Variants in ERC2 observed in about 807,000 individuals in gnomAD.
The protein encoded by ERC2 is ERC protein 2.
A neutral mutation model predicts 114.8 loss-of-function variants in ERC2; 42 were observed. The observed-to-expected ratio is 0.37, with a 90% CI of 0.29 to 0.47. The LOEUF is 0.47. ERC2 is among the 20% of genes least tolerant of loss of function. ERC2 has a pLI of 0.99. For missense variants in ERC2, 939 were observed against 1,150.7 expected (o/e 0.82, Z 2.66); for synonymous variants, 454 against 425.5 (o/e 1.07, Z -0.82).
At chr3:55,729,933 T>C (rs1358276907) in intron 15 of ERC2, among the ~76,000 whole-genome samples, 1 of 149,322 alleles carries the variant, frequency 6.7e-6, no homozygotes, top group African/African-American at 2.5e-5. Context: ...CCTAGCACTG[T>C]AACACAGAGC....
chr3:56,077,593 A>G (rs1267094314), intron 7 of ERC2, among the ~76,000 whole-genome samples: 2 of 152,174 alleles, frequency 1.3e-5, no homozygotes, highest in African/African-American at 4.8e-5. Context: ...CAAAATATTC[A>G]CTGAGAAAAC....
intron 6 of ERC2, among the ~76,000 whole-genome samples, chr3:56,114,873 C>A (rs995923862): frequency 1.1e-4 from 16 of 152,224 alleles, no homozygotes; most frequent in African/African-American, 3.6e-4. Context: ...CTCCCTGAAA[C>A]AAAGCCTTCC....
intron 12 of ERC2, among the ~76,000 whole-genome samples, chr3:55,956,552 G>A (rs2067968269): frequency 6.6e-6 from 1 of 151,840 alleles, no homozygotes. Flanking sequence ...AAGCATAAAT[G>A]TGCTAAATGT....
intron 7 of ERC2, among the ~76,000 whole-genome samples, chr3:56,066,819 T>C (rs994118966): frequency 1.3e-5 from 2 of 152,236 alleles, no homozygotes; most frequent in African/African-American, 4.8e-5. Flanking sequence ...TTTTCCCCAT[T>C]GCTTGTTTTT....
At chr3:56,155,623 G>C (rs2081669218) in intron 4 of ERC2, among the ~76,000 whole-genome samples, 1 of 152,130 alleles carries the variant, frequency 6.6e-6, no homozygotes, top group East Asian at 1.9e-4. Context: ...TCTATATATA[G>C]AGAAGTCAGG....
intron 6 of ERC2, among the ~76,000 whole-genome samples, chr3:56,099,136 C>T (rs1241543645): frequency 1.3e-5 from 2 of 152,126 alleles, no homozygotes; most frequent in African/African-American, 4.8e-5. Flanking sequence ...CACGTGAGGA[C>T]AAGAGAAGAG....
At chr3:56,041,846 A>T (rs1333960532) in intron 7 of ERC2, among the ~76,000 whole-genome samples, 2 of 152,172 alleles carry the variant, frequency 1.3e-5, no homozygotes, top group African/African-American at 4.8e-5. Context: ...TCAGGTACTC[A>T]ATTGTATTTG....
At chr3:56,292,706 C>T (rs1421917648) in intron 3 of ERC2, among the ~76,000 whole-genome samples, 1 of 152,130 alleles carries the variant, frequency 6.6e-6, no homozygotes, top group Non-Finnish European at 1.5e-5. Context: ...AGCAGTGTGA[C>T]ATTGGGTTTG....
At chr3:55,885,479 C>T (rs1209280575) in intron 14 of ERC2, among the ~76,000 whole-genome samples, 1 of 152,150 alleles carries the variant, frequency 6.6e-6, no homozygotes, top group Non-Finnish European at 1.5e-5. Context: ...CCATATCAGG[C>T]TTAATGAAGC....
In ERC2 at chr3:55,807,871, A is replaced by G. The variant is rs1258006728; in HGVS notation, c.2565-72953T>C. ...TTATTTAGACTGTCCTTGGAACCCA[A>G]TAATTATGTACATATAATAGAGTCT... On this transcript the variant is annotated intron_variant, in intron 14 of 17. Coordinates refer to ENST00000288221, the MANE Select transcript of ERC2 (RefSeq NM_015576.3). Among the ~76,000 whole-genome samples the G allele has an allele frequency of 2.0e-5, 3 of 152,206 alleles. No homozygotes were observed. The East Asian group carries it at 5.8e-4, about 29-fold the overall frequency.
At chr3:56,043,635 A>G (rs574598720) in intron 7 of ERC2, among the ~76,000 whole-genome samples, 9 of 152,210 alleles carry the variant, frequency 5.9e-5, no homozygotes, top group Non-Finnish European at 1.3e-4. Flanking sequence ...TGAGAAATAT[A>G]TCACAGATCT....
intron 2 of ERC2, among the ~76,000 whole-genome samples, chr3:56,408,692 G>A (rs1348754862): frequency 6.6e-6 from 1 of 152,204 alleles, no homozygotes; most frequent in East Asian, 1.9e-4. Flanking sequence ...CAAAGACATT[G>A]CAATAAGTGT....
chr3:55,668,226 G>C (rs1036491174), intron 17 of ERC2, among the ~76,000 whole-genome samples: 1 of 152,134 alleles, frequency 6.6e-6, no homozygotes, highest in Admixed American at 6.5e-5. Flanking sequence ...AAGGAGCTGG[G>C]TCTGAATAAC....
At chr3:56,033,479 T>C (rs1236625130) in intron 7 of ERC2, among the ~76,000 whole-genome samples, 1 of 152,196 alleles carries the variant, frequency 6.6e-6, no homozygotes, top group African/African-American at 2.4e-5. Flanking sequence ...CCAGTAGCAT[T>C]TCTTGTAAGG....
At chr3:55,870,795 C>T (rs1023273502) in intron 14 of ERC2, among the ~76,000 whole-genome samples, 1 of 152,344 alleles carries the variant, frequency 6.6e-6, no homozygotes, top group Admixed American at 6.5e-5. Flanking sequence ...ATTGTCACCA[C>T]TCAGTCTTCC....
intron 14 of ERC2, among the ~76,000 whole-genome samples, chr3:55,803,782 T>C (rs59690742): frequency 0.14 from 21,252 of 152,200 alleles, 1,702 homozygotes; most frequent in East Asian, 0.23. Context: ...ATCTCCATCA[T>C]GGGACTGATT....
At chr3:55,980,024 A>G (rs1458064) in intron 12 of ERC2, among the ~76,000 whole-genome samples, 1 of 144,270 alleles carries the variant, frequency 6.9e-6, no homozygotes, top group African/African-American at 2.6e-5. Context: ...ATCCCCAAAC[A>G]CAGTCTACAA....
chr3:56,118,917 C>T (rs2316459), intron 6 of ERC2, among the ~76,000 whole-genome samples: 149,657 of 152,288 alleles, frequency 0.98, 73,537 homozygotes, highest in East Asian at 1. Context: ...ATTACAGGCT[C>T]GAGCCACTGT....
chr3:55,569,053 G>T (rs1220048262), intron 17 of ERC2, among the ~76,000 whole-genome samples: 1 of 152,058 alleles, frequency 6.6e-6, no homozygotes, highest in African/African-American at 2.4e-5. Context: ...ACATTCTCAC[G>T]GAAGCATTCC....
Sources: gnomAD v4.1 joint callset for allele counts (sites outside exome capture counted in the v4.1 genomes callset) on GRCh38, gnomAD v4.1.1 for gene constraint, MANE v1.5 for transcripts, NCBI Gene and HGNC (gene_info 2026-07-23, HGNC 2026-07-21) for gene names.